The following DNAAF11 variants were observed in gnomAD, a reference collection of about 807,000 sequenced individuals.
DNAAF11 encodes dynein axonemal assembly factor 11, also known as leucine rich repeat containing 6.
In DNAAF11, 45 loss-of-function variants were observed where a neutral mutation model predicts 60.8. That is an observed-to-expected ratio of 0.74 (90% CI 0.58 to 0.95). The LOEUF is 0.95. DNAAF11 is among the 40% of genes least tolerant of loss of function. DNAAF11 has a pLI of 0.00. For missense variants in DNAAF11, 546 were observed against 546.2 expected (o/e 1.00, Z 0.00); for synonymous variants, 191 against 183.5 (o/e 1.04, Z -0.33).
rs572454654 is a variant in DNAAF11 at position 132,621,528 on chromosome 8, T to C, written c.914+1083A>G. ...GTGAGGCTGCAGTGTGTGGGAAGAG[T>C]GGTGGTCTTACCAGAGACACATGGA... is the stretch of plus-strand genomic sequence containing the variant. On this transcript the variant is annotated intron_variant, in intron 7 of 11. Transcript: ENST00000620350. Among the ~76,000 whole-genome samples, 75 of 151,894 alleles carry C rather than the reference T, an allele frequency of 4.9e-4. 1 individual carries two copies. Among genetic ancestry groups the C allele is most frequent in the African/African-American group, 1.7e-3 (70 of 41,416 alleles).
chr8:132,619,890 A>G (rs1819583864), intron 7 of DNAAF11, among the ~76,000 whole-genome samples: 1 of 152,180 alleles, frequency 6.6e-6, no homozygotes, highest in South Asian at 2.1e-4. Flanking sequence ...TGGGAAGTTC[A>G]CCGTCAGCAG....
rs764975507 is a variant in DNAAF11 at position 132,583,725 on chromosome 8, AG to A, written c.1194del (p.Ser399ArgfsTer18). ...GQRAFKSMKT[T>X]SDRSREQTNT... ...TTTGTTTGTTCTCTGCTCCTGTCCG[AG>A]GTAGTTTTCATAGATTTGAATGCTC... On this transcript the variant is annotated frameshift_variant, in exon 11 of 12. Coordinates refer to ENST00000620350, the MANE Select transcript of DNAAF11 (RefSeq NM_012472.6). LOFTEE classifies it high-confidence loss of function. 6.2e-7 allele frequency: 1 copy of A among 1,613,690 alleles called. No homozygotes were observed. The highest frequency in any genetic ancestry group is 1.3e-5 in the African/African-American group (1 of 74,878).
intron 3 of DNAAF11, among the ~76,000 whole-genome samples, chr8:132,641,134 A>G (rs1020446540): frequency 2.0e-5 from 3 of 152,200 alleles, no homozygotes; most frequent in African/African-American, 7.2e-5. Context: ...ACAAGTCATT[A>G]GAATGTTAAA....
At chr8:132,645,223 G>A (rs1402732603) in intron 3 of DNAAF11, among the ~76,000 whole-genome samples, 1 of 152,182 alleles carries the variant, frequency 6.6e-6, no homozygotes, top group Non-Finnish European at 1.5e-5. Flanking sequence ...GGCAAACAGG[G>A]TCTGGAGTGG....
intron 7 of DNAAF11, among the ~76,000 whole-genome samples, chr8:132,615,892 T>C (rs1819099745): frequency 1.3e-5 from 2 of 152,154 alleles, no homozygotes; most frequent in South Asian, 4.1e-4. Flanking sequence ...GCTAAACTGT[T>C]TAGGAAAATG....
intron 3 of DNAAF11, among the ~76,000 whole-genome samples, chr8:132,652,372 T>C (rs946222264): frequency 1.3e-5 from 2 of 151,720 alleles, no homozygotes; most frequent in South Asian, 4.2e-4. Flanking sequence ...TAGAGAAAAA[T>C]AGCACAAGAT....
chr8:132,688,672 A>C, the DNAAF11 span, among the ~76,000 whole-genome samples: 1 of 152,192 alleles, frequency 6.6e-6, no homozygotes, highest in African/African-American at 2.4e-5. Context: ...CTGCATGAGA[A>C]TAAAGCCAAC....
the DNAAF11 span, chr8:132,687,357 CAA>C: frequency 8.3e-6 from 2 of 241,086 alleles, no homozygotes; most frequent in African/African-American, 4.5e-5. Flanking sequence ...TTGGGGGCAT[CAA>C]TGTATAACAC....
chr8:132,642,698 G>A (rs749555156), intron 3 of DNAAF11, among the ~76,000 whole-genome samples: 4 of 152,216 alleles, frequency 2.6e-5, no homozygotes, highest in Admixed American at 6.5e-5. Flanking sequence ...GATGGTAACT[G>A]AAGCAACCAT....
chr8:132,593,194 A>G (rs1410807502), intron 10 of DNAAF11, among the ~76,000 whole-genome samples: 1 of 151,740 alleles, frequency 6.6e-6, no homozygotes. Flanking sequence ...AGAATCCAAC[A>G]GTATCTCATA....
At position 132,607,241 on chromosome 8, in the gene DNAAF11, A is replaced by G. The variant is rs139057800; in HGVS notation, c.1140+2925T>C. The stretch of plus-strand genomic sequence containing the variant: ...TTCTACTACTTCACTTGCCACTTCT[A>G]GCCTAGACAGTGACCCTTGTTAAAA... On this transcript the variant is annotated intron_variant, in intron 10 of 11. Coordinates refer to ENST00000620350, the MANE Select transcript of DNAAF11 (RefSeq NM_012472.6). 2.6e-3 allele frequency among the ~76,000 whole-genome samples: 401 copies of G among 152,322 alleles called. 10 individuals carry two copies. The highest frequency in any genetic ancestry group is 0.023 in the Admixed American group (348 of 15,300).
In DNAAF11 at chr8:132,583,776, C is replaced by T; in HGVS notation, c.1144G>A (p.Gly382Arg). Residue 382 changes from glycine (G) to arginine (R), a missense_variant, in exon 11 of 12, where the codon GGA becomes AGA. Physicochemically the swap from Gly to Arg is moderately radical, Grantham distance 125. Transcript: ENST00000620350. ...CGCTGACCACCTGTGATTACTTCTC[C>T]TACCTAAAATAAAAATGAAACACAC... Reference protein sequence around the residue: ...GHLVICMPKVGEVITGGQRAF... With the variant: ...GHLVICMPKVREVITGGQRAF... The T allele has an allele frequency of 1.2e-6, 2 of 1,611,238 alleles. No homozygotes were observed. Among genetic ancestry groups the T allele is most frequent in the South Asian group, 1.1e-5 (1 of 91,032 alleles).
upstream of DNAAF11, among the ~76,000 whole-genome samples, chr8:132,679,944 G>A (rs778608237): frequency 7.9e-5 from 12 of 152,138 alleles, no homozygotes; most frequent in Non-Finnish European, 1.8e-4. Context: ...AATAATACAA[G>A]CAGAGAAAAG....
chr8:132,620,476 A>C (rs1819644330), intron 7 of DNAAF11, among the ~76,000 whole-genome samples: 1 of 152,118 alleles, frequency 6.6e-6, no homozygotes, highest in Non-Finnish European at 1.5e-5. Context: ...CTGGGATTAC[A>C]GGTGTGTGCC....
chr8:132,615,377 T>C (rs897083946), intron 7 of DNAAF11, among the ~76,000 whole-genome samples: 2 of 152,244 alleles, frequency 1.3e-5, no homozygotes, highest in African/African-American at 4.8e-5. Flanking sequence ...TAGAGACATC[T>C]GGTGGCTAAA....
At position 132,617,010 on chromosome 8, in the gene DNAAF11, A is replaced by G. The variant is rs140493800; in HGVS notation, c.915-1913T>C. Among the ~76,000 whole-genome samples, 115 of 152,312 alleles carry G rather than the reference A, an allele frequency of 7.6e-4. 1 individual carries two copies. The East Asian group carries it at 8.7e-3, about 11-fold the overall frequency. On this transcript the variant is annotated intron_variant, in intron 7 of 11. Coordinates refer to ENST00000620350, the MANE Select transcript of DNAAF11 (RefSeq NM_012472.6). ...ATTTCACAGGAAGGAAAGGTACGGT[A>G]TATCTTGGGGTGTTTGGGCACAGTA...
chr8:132,676,637 T>G (rs1355999197), upstream of DNAAF11, among the ~76,000 whole-genome samples: 1 of 152,184 alleles, frequency 6.6e-6, no homozygotes, highest in Non-Finnish European at 1.5e-5. Context: ...TTATTAGAGT[T>G]TGCCAGGTAG....
chr8:132,672,354 T>C (rs1279100642), intron 1 of DNAAF11, among the ~76,000 whole-genome samples: 1 of 152,158 alleles, frequency 6.6e-6, no homozygotes, highest in Non-Finnish European at 1.5e-5. Flanking sequence ...CTTGCCACCA[T>C]CCCCAGGCTC....
chr8:132,597,755 G>T (rs1817174317), intron 10 of DNAAF11, among the ~76,000 whole-genome samples: 1 of 152,148 alleles, frequency 6.6e-6, no homozygotes, highest in African/African-American at 2.4e-5. Flanking sequence ...GGGTAACTAT[G>T]CAGGTTATCT....
Sources: gnomAD v4.1 joint callset for allele counts (sites outside exome capture counted in the v4.1 genomes callset) on GRCh38, gnomAD v4.1.1 for gene constraint, MANE v1.5 for transcripts, NCBI Gene and HGNC (gene_info 2026-07-23, HGNC 2026-07-21) for gene names.